CDH8: variants seen among roughly 807,000 people sequenced by gnomAD.
CDH8 encodes cadherin 8.
Under a neutral mutation model 68.1 loss-of-function variants are expected in CDH8, and 17 were observed. The observed-to-expected ratio is 0.25, with a 90% CI of 0.17 to 0.37. The LOEUF (loss-of-function observed/expected upper bound fraction) is 0.37. Ranked by LOEUF, CDH8 falls within the 10% of genes least tolerant of loss-of-function variation. The probability of loss-of-function intolerance (pLI) is 1.00; values close to 1 mark genes in which losing one functional copy is unlikely to be tolerated. For synonymous variants in CDH8, 372 were observed against 365.1 expected, an observed-to-expected ratio of 1.02 and a Z score of -0.21; for missense variants, 763 against 999.3, an observed-to-expected ratio of 0.76 and a Z score of 3.19.
chr16:61,797,838 G>A (rs1247557160), intron 7 of CDH8, among the ~76,000 whole-genome samples: 2 of 151,974 alleles, frequency 1.3e-5, no homozygotes, highest in South Asian at 2.1e-4. Context: ...CACTCAACAC[G>A]ATCAATGTAT....
intron 8 of CDH8, among the ~76,000 whole-genome samples, chr16:61,735,715 G>A (rs563205662): frequency 6.6e-6 from 1 of 152,188 alleles, no homozygotes; most frequent in Non-Finnish European, 1.5e-5. Flanking sequence ...TACAGTCACA[G>A]GAAGATTTAA....
At chr16:61,709,658 T>C (rs1255588033) in intron 10 of CDH8, among the ~76,000 whole-genome samples, 1 of 152,006 alleles carries the variant, frequency 6.6e-6, no homozygotes, top group African/African-American at 2.4e-5. Flanking sequence ...GAATTGAAAG[T>C]GATCCCAACA....
chr16:61,728,621 T>C (rs562307091), intron 8 of CDH8, among the ~76,000 whole-genome samples: 1 of 151,350 alleles, frequency 6.6e-6, no homozygotes, highest in Admixed American at 6.6e-5. Flanking sequence ...CTTATGACTC[T>C]AACACAAGGC....
chr16:61,971,924 T>C (rs1965346828), intron 2 of CDH8, among the ~76,000 whole-genome samples: 1 of 152,156 alleles, frequency 6.6e-6, no homozygotes, highest in Non-Finnish European at 1.5e-5. Flanking sequence ...TTTGAATCTC[T>C]AAGCCAAGAA....
At chr16:61,756,504 C>T (rs944107583) in intron 8 of CDH8, among the ~76,000 whole-genome samples, 1 of 152,098 alleles carries the variant, frequency 6.6e-6, no homozygotes, top group African/African-American at 2.4e-5. Context: ...TACACACACA[C>T]ATTTGTAATT....
chr16:61,890,094 C>G (rs1222502032), intron 3 of CDH8, among the ~76,000 whole-genome samples: 1 of 152,080 alleles, frequency 6.6e-6, no homozygotes, highest in Non-Finnish European at 1.5e-5. Flanking sequence ...TAAAATATAT[C>G]TCTGAGAACA....
chr16:61,705,189 G>C (rs906839324), intron 10 of CDH8, among the ~76,000 whole-genome samples: 2 of 152,116 alleles, frequency 1.3e-5, no homozygotes, highest in Non-Finnish European at 2.9e-5. Context: ...GATAGAATAG[G>C]CAACAGATGG....
At chr16:61,911,570 T>C (rs1964162972) in intron 2 of CDH8, among the ~76,000 whole-genome samples, 1 of 151,980 alleles carries the variant, frequency 6.6e-6, no homozygotes, top group Non-Finnish European at 1.5e-5. Flanking sequence ...TATAAAGAGT[T>C]TTGGTACATA....
intron 4 of CDH8, among the ~76,000 whole-genome samples, chr16:61,831,709 GA>G (rs1962458515): frequency 6.6e-6 from 1 of 151,758 alleles, no homozygotes; most frequent in East Asian, 1.9e-4. Context: ...GGCTTCACAA[GA>G]AAGGCAAGGG....
At chr16:62,030,811 AG>A (rs1902306891) in intron 1 of CDH8, among the ~76,000 whole-genome samples, 1 of 152,110 alleles carries the variant, frequency 6.6e-6, no homozygotes, top group Non-Finnish European at 1.5e-5. Flanking sequence ...CATCCACAAA[AG>A]TACCTTATCA....
intron 2 of CDH8, among the ~76,000 whole-genome samples, chr16:62,012,042 G>A (rs1275020147): frequency 6.6e-6 from 1 of 152,168 alleles, no homozygotes; most frequent in Non-Finnish European, 1.5e-5. Context: ...GTGAACTTAA[G>A]TTAATTATAA....
chr16:61,675,621 A>T (rs1448733328), intron 10 of CDH8, among the ~76,000 whole-genome samples: 1 of 84,324 alleles, frequency 1.2e-5, no homozygotes, highest in African/African-American at 9.4e-5. Flanking sequence ...AAAAAAATAA[A>T]AAAAATAAAA....
At chr16:61,701,989 C>T (rs1002085742) in intron 10 of CDH8, among the ~76,000 whole-genome samples, 4 of 152,120 alleles carry the variant, frequency 2.6e-5, no homozygotes, top group Admixed American at 1.3e-4. Flanking sequence ...TCTATACCTT[C>T]GTTAAATTTA....
At chr16:61,921,690 A>G (rs751589647) in intron 2 of CDH8, among the ~76,000 whole-genome samples, 6 of 152,216 alleles carry the variant, frequency 3.9e-5, no homozygotes, top group Non-Finnish European at 1.5e-5. Flanking sequence ...CAAAAGAGCC[A>G]TTACAAGTGC....
intron 2 of CDH8, among the ~76,000 whole-genome samples, chr16:61,906,084 CAG>C (rs912335298): frequency 3.3e-5 from 5 of 152,022 alleles, no homozygotes; most frequent in Non-Finnish European, 5.9e-5. Context: ...GAGAGCAAGA[CAG>C]GGGCCACATT....
chr16:61,808,428 T>G (rs4784163), intron 7 of CDH8, among the ~76,000 whole-genome samples: 65,150 of 151,962 alleles, frequency 0.43, 14,895 homozygotes, highest in African/African-American at 0.59. Flanking sequence ...CACAGTATTC[T>G]TCAGGGTACC....
chr16:62,033,105 T>C (rs765880985), intron 1 of CDH8, among the ~76,000 whole-genome samples: 10 of 152,246 alleles, frequency 6.6e-5, no homozygotes, highest in Non-Finnish European at 1.5e-4. Context: ...GTATCAGACC[T>C]TTGAGTACAT....
At chr16:61,778,545 G>C (rs1960958685) in intron 8 of CDH8, among the ~76,000 whole-genome samples, 1 of 152,130 alleles carries the variant, frequency 6.6e-6, no homozygotes, top group African/African-American at 2.4e-5. Flanking sequence ...AATTTTAAAT[G>C]AAGCTGTGAT....
At chr16:61,674,408 C>G (rs1300803342) in intron 10 of CDH8, among the ~76,000 whole-genome samples, 1 of 149,540 alleles carries the variant, frequency 6.7e-6, no homozygotes. Context: ...GAGCCGAGAT[C>G]GTGCCACTGC....
Sources: gnomAD v4.1 joint callset for allele counts (sites outside exome capture counted in the v4.1 genomes callset) on GRCh38, gnomAD v4.1.1 for gene constraint, MANE v1.5 for transcripts, NCBI Gene and HGNC (gene_info 2026-07-23, HGNC 2026-07-21) for gene names.